The following TXLNG variants were observed in gnomAD, a reference collection of about 807,000 sequenced individuals.
TXLNG encodes taxilin gamma.
In TXLNG, 5 loss-of-function variants were observed where a neutral mutation model predicts 38.8. The observed-to-expected ratio is 0.13, with a 90% CI of 0.07 to 0.27. The LOEUF is 0.27. Among genes scored for constraint, TXLNG ranks in the 10% least tolerant of loss-of-function variants. The pLI, the probability that TXLNG is intolerant of heterozygous loss-of-function variation, is 1.00. For synonymous variants in TXLNG, 182 were observed against 158.2 expected (o/e 1.15, Z -1.13); for missense variants, 393 against 398.2 (o/e 0.99, Z 0.11).
At chrX:16,837,378 T>C (rs1017866280) in intron 7 of TXLNG, among the ~76,000 whole-genome samples, 1 of 112,083 alleles carries the variant, frequency 8.9e-6, no homozygotes, top group African/African-American at 3.2e-5. Flanking sequence ...TGGGTGGAGA[T>C]CTAATATTAA....
chrX:16,794,026 A>G (rs1427891618), intron 1 of TXLNG, among the ~76,000 whole-genome samples: 2 of 111,536 alleles, frequency 1.8e-5, no homozygotes, highest in Non-Finnish European at 3.8e-5. Context: ...ATTTATACCT[A>G]TTATATCTAC....
At chrX:16,788,104 ACACTT>A (rs1927564243) in intron 1 of TXLNG, among the ~76,000 whole-genome samples, 1 of 112,411 alleles carries the variant, frequency 8.9e-6, no homozygotes, top group Non-Finnish European at 1.9e-5. Context: ...ATCACTTTGG[ACACTT>A]CACTTATTCC....
chrX:16,798,201 A>G (rs1158805229), intron 1 of TXLNG, among the ~76,000 whole-genome samples: 1 of 112,500 alleles, frequency 8.9e-6, no homozygotes, highest in Non-Finnish European at 1.9e-5. Flanking sequence ...TCATCTTCCA[A>G]ACGTTGGTAC....
In TXLNG at chrX:16,842,353, ATATG is replaced by A. The variant is rs1452695862; in HGVS notation, c.*591_*594del. ...GCCTAGAATCCTAAGTTTCGGCAGA[ATATG>A]TATATAAAGATGTCACTTGTGGACA... is the stretch of plus-strand genomic sequence containing the variant. On this transcript the variant is annotated 3_prime_UTR_variant, in exon 10 of 10. Coordinates refer to ENST00000380122, the MANE Select transcript of TXLNG (RefSeq NM_018360.3). 1 of 112,397 alleles carries A rather than the reference ATATG, an allele frequency of 8.9e-6. No individual in the cohort carries two copies. Among genetic ancestry groups the A allele is most frequent in the African/African-American group, 3.3e-5 (1 of 30,732 alleles). 9.3% of individuals were successfully genotyped at this position (112,397 alleles called of 1,213,427 possible). A position where few individuals can be genotyped will look rare whatever the true frequency, so the allele number is the denominator to read the frequency against.
chrX:16,787,717 C>T (rs1395664967), intron 1 of TXLNG, among the ~76,000 whole-genome samples: 4 of 111,730 alleles, frequency 3.6e-5, no homozygotes, highest in African/African-American at 1.3e-4. Flanking sequence ...TTTTTCCTTG[C>T]AGGTGAACAT....
intron 1 of TXLNG, among the ~76,000 whole-genome samples, chrX:16,789,279 T>C (rs966306811): frequency 8.1e-5 from 9 of 110,890 alleles, no homozygotes; most frequent in African/African-American, 2.3e-4. Context: ...CAGTTAATTG[T>C]GGCATTGTTT....
At chrX:16,832,768 G>C (rs771971905) in intron 6 of TXLNG, 26 bp downstream of exon 6, 10 of 1,166,884 alleles carry the variant, frequency 8.6e-6, no homozygotes, top group South Asian at 2.0e-5. Context: ...TAAAAACAAA[G>C]ACATTATTGC....
At chrX:16,820,448 A>G (rs958395383) in intron 3 of TXLNG, among the ~76,000 whole-genome samples, 193 bp downstream of exon 3, 1 of 111,955 alleles carries the variant, frequency 8.9e-6, no homozygotes, top group African/African-American at 3.2e-5. Context: ...GAGGTAATAT[A>G]TAGGGAACAT....
At chrX:16,806,511 G>A (rs968543795) in intron 1 of TXLNG, among the ~76,000 whole-genome samples, 1 of 112,563 alleles carries the variant, frequency 8.9e-6, no homozygotes, top group Non-Finnish European at 1.9e-5. Context: ...GCCAAGCATG[G>A]TGGCTCACGC....
At chrX:16,815,922 C>T (rs185443884) in intron 1 of TXLNG, among the ~76,000 whole-genome samples, 96 of 110,468 alleles carry the variant, frequency 8.7e-4, no homozygotes, top group Admixed American at 1.7e-3. Flanking sequence ...TATATCTATG[C>T]GCCCAATTAG....
intron 1 of TXLNG, among the ~76,000 whole-genome samples, chrX:16,798,975 G>A (rs373735303): frequency 7.1e-4 from 78 of 110,295 alleles, no homozygotes; most frequent in African/African-American, 2.5e-3. Flanking sequence ...TGCCTCCTGG[G>A]TTCAAGCGAT....
chrX:16,817,703 G>A (rs745768946), intron 1 of TXLNG, among the ~76,000 whole-genome samples: 2 of 112,603 alleles, frequency 1.8e-5, no homozygotes, highest in East Asian at 2.8e-4. Flanking sequence ...CAATGTGATA[G>A]AAGACAGTTA....
At chrX:16,790,151 A>G (rs1474609602) in intron 1 of TXLNG, among the ~76,000 whole-genome samples, 1 of 111,017 alleles carries the variant, frequency 9.0e-6, no homozygotes, top group African/African-American at 3.3e-5. Flanking sequence ...GTTAAAATTC[A>G]TGAGCCAATA....
At chrX:16,823,718 G>A (rs1929068986) in intron 3 of TXLNG, among the ~76,000 whole-genome samples, 1 of 111,334 alleles carries the variant, frequency 9.0e-6, no homozygotes, top group African/African-American at 3.3e-5. Context: ...TGGCCAACAT[G>A]TTCACCAGAT....
In TXLNG at chrX:16,841,482, G is replaced by C. The variant is rs918454631; in HGVS notation, c.1303G>C (p.Glu435Gln). 3 of 1,209,989 alleles carry C rather than the reference G, an allele frequency of 2.5e-6. No homozygotes were observed. The highest frequency in any genetic ancestry group is 3.4e-6 in the Non-Finnish European group (3 of 895,279). ...CCTTCAAATAAAACTGGAACGGTTA[G>C]AGAAGCTGTGCAGGGCTCTTCAGAC... ...KALQIKLERL[E>Q]KLCRALQTER... The change falls in exon 10 of 10, where the codon GAG (glutamate) becomes CAG (glutamine). Residue 435 changes from glutamate to glutamine, a missense_variant. Coordinates refer to ENST00000380122, the MANE Select transcript of TXLNG (RefSeq NM_018360.3).
chrX:16,792,485 A>G (rs905578986), intron 1 of TXLNG, among the ~76,000 whole-genome samples: 3 of 111,298 alleles, frequency 2.7e-5, no homozygotes, highest in Non-Finnish European at 3.8e-5. Flanking sequence ...GTGTGTCAGT[A>G]TTTATAAAGT....
chrX:16,801,284 C>T (rs910493805), intron 1 of TXLNG, among the ~76,000 whole-genome samples: 1 of 111,926 alleles, frequency 8.9e-6, no homozygotes, highest in Non-Finnish European at 1.9e-5. Context: ...CTCCCGGGTT[C>T]ATGCAATTCT....
intron 1 of TXLNG, among the ~76,000 whole-genome samples, chrX:16,801,890 G>A (rs905539791): frequency 1.9e-5 from 2 of 107,996 alleles, no homozygotes; most frequent in African/African-American, 6.8e-5. Flanking sequence ...TGGCCTAACC[G>A]TTGCATAATC....
At chrX:16,806,583 A>G (rs1270104503) in intron 1 of TXLNG, among the ~76,000 whole-genome samples, 5 of 109,514 alleles carry the variant, frequency 4.6e-5, no homozygotes, top group Non-Finnish European at 5.7e-5. Context: ...GGAGTTCAAG[A>G]CCAGCCTGGC....
Sources: allele counts gnomAD v4.1 joint callset (sites outside exome capture counted in the v4.1 genomes callset), GRCh38; gene constraint gnomAD v4.1.1; transcripts MANE v1.5; gene names NCBI Gene and HGNC (gene_info 2026-07-23, HGNC 2026-07-21).